The following PDE4B variants were observed in gnomAD, a reference collection of about 807,000 sequenced individuals.
The protein encoded by PDE4B is phosphodiesterase 4B.
A neutral mutation model predicts 82.2 loss-of-function variants in PDE4B; 20 were observed. The ratio of observed to expected loss-of-function variants is 0.24; its 90% CI spans 0.17 to 0.35. The LOEUF is 0.35. Among genes scored for constraint, PDE4B ranks in the 10% least tolerant of loss-of-function variants. The pLI is 1.00. For synonymous variants in PDE4B, 320 were observed against 318.9 expected (o/e 1.00, Z -0.04); for missense variants, 655 against 907.2 (o/e 0.72, Z 3.57).
At chr1:66,091,714 GT>G (rs1402221858) in intron 3 of PDE4B, among the ~76,000 whole-genome samples, 1 of 151,966 alleles carries the variant, frequency 6.6e-6, no homozygotes, top group Non-Finnish European at 1.5e-5. Flanking sequence ...AATACTGCCT[GT>G]TTTTTACTAA....
intron 1 of PDE4B, among the ~76,000 whole-genome samples, chr1:65,868,670 C>A (rs948779785): frequency 6.6e-6 from 1 of 152,204 alleles, no homozygotes; most frequent in Non-Finnish European, 1.5e-5. Flanking sequence ...AACCCCCAGG[C>A]TGCAGACCAG....
At chr1:65,912,003 T>A (rs1195613906) in intron 1 of PDE4B, among the ~76,000 whole-genome samples, 1 of 152,096 alleles carries the variant, frequency 6.6e-6, no homozygotes, top group Non-Finnish European at 1.5e-5. Flanking sequence ...AGCAGACTTT[T>A]TTTTAAATAA....
intron 6 of PDE4B, among the ~76,000 whole-genome samples, chr1:66,258,574 G>A (rs1654436900): frequency 6.6e-6 from 1 of 152,180 alleles, no homozygotes; most frequent in African/African-American, 2.4e-5. Flanking sequence ...CCTGGAATGA[G>A]AGGACTGGAG....
At chr1:65,887,186 TTTTCTTTCTTTCTTTC>T (rs766627917) in intron 1 of PDE4B, among the ~76,000 whole-genome samples, 6 of 60,118 alleles carry the variant, frequency 1.0e-4, no homozygotes, top group African/African-American at 3.1e-4. Flanking sequence ...CTCCCTCCCT[TTTTCTTTCTTTCTTTC>T]TTTCTTTCTT....
chr1:66,139,988 A>C lies in PDE4B; in HGVS notation c.282-107472A>C, dbSNP rs549788858. Among the ~76,000 whole-genome samples, 14 of 152,348 alleles carry C rather than the reference A, an allele frequency of 9.2e-5. No individual in the cohort carries two copies. The South Asian group carries it at 1.9e-3, about 20-fold the overall frequency. On this transcript the variant is annotated intron_variant, in intron 3 of 16. Coordinates refer to ENST00000341517, the MANE Select transcript of PDE4B (RefSeq NM_002600.4). ...TGAAGGCAGTGATCCCACTAGACTC[A>C]ACTTAAGACAGAATGCTAGCTACTG...
chr1:65,891,539 A>G (rs559726379), intron 1 of PDE4B, among the ~76,000 whole-genome samples: 1 of 152,186 alleles, frequency 6.6e-6, no homozygotes, highest in Admixed American at 6.6e-5. Flanking sequence ...AACTTAGACT[A>G]TCACATGTAG....
intron 8 of PDE4B, among the ~76,000 whole-genome samples, chr1:66,336,544 T>C (rs1660529455): frequency 6.6e-6 from 1 of 152,228 alleles, no homozygotes; most frequent in Non-Finnish European, 1.5e-5. Context: ...TCCTTTTCAT[T>C]CTCCATTGGT....
intron 3 of PDE4B, among the ~76,000 whole-genome samples, chr1:66,243,334 T>C (rs1403535939): frequency 6.6e-6 from 1 of 152,182 alleles, no homozygotes; most frequent in Admixed American, 6.5e-5. Flanking sequence ...TTTTAGTTGG[T>C]TCTGTCCACA....
chr1:65,998,878 A>G (rs2100701756), intron 3 of PDE4B, among the ~76,000 whole-genome samples: 1 of 152,264 alleles, frequency 6.6e-6, no homozygotes, highest in South Asian at 2.1e-4. Flanking sequence ...TAAAAAAAAA[A>G]AAAAAGCAGA....
At chr1:66,087,959 G>A (rs1241491038) in intron 3 of PDE4B, among the ~76,000 whole-genome samples, 1 of 151,606 alleles carries the variant, frequency 6.6e-6, no homozygotes, top group Admixed American at 6.6e-5. Flanking sequence ...CATGGCACAT[G>A]TATACATGTG....
At chr1:66,361,512 A>G in intron 9 of PDE4B, 103 bp from the exon 10 acceptor site, 1 of 843,290 alleles carries the variant, frequency 1.2e-6, no homozygotes, top group Non-Finnish European at 1.8e-6. Flanking sequence ...ATTTTATTTT[A>G]TAAGATTCTA....
chr1:66,331,883 A>C, intron 7 of PDE4B: 2 of 986,318 alleles, frequency 2.0e-6, no homozygotes, highest in Non-Finnish European at 2.4e-6. Flanking sequence ...GATTTAAGGG[A>C]GAGAAAGGAA....
chr1:66,327,949 A>G (rs549450780), intron 7 of PDE4B, among the ~76,000 whole-genome samples: 2 of 152,328 alleles, frequency 1.3e-5, no homozygotes, highest in African/African-American at 4.8e-5. Flanking sequence ...CTTGCTAGGA[A>G]TCTGGAGGGA....
intron 3 of PDE4B, among the ~76,000 whole-genome samples, chr1:66,116,210 GGT>G (rs1645590868): frequency 1.8e-4 from 2 of 11,006 alleles, no homozygotes; most frequent in African/African-American, 2.1e-4. Flanking sequence ...TCTATTTCTG[GGT>G]TTTTTTTTTA....
chr1:66,283,952 A>G (rs550856347), intron 7 of PDE4B, among the ~76,000 whole-genome samples: 2 of 152,272 alleles, frequency 1.3e-5, no homozygotes, highest in East Asian at 3.9e-4. Context: ...CCCTAAAAGC[A>G]CCTGGCGAGT....
chr1:66,016,629 G>T (rs933926288), intron 3 of PDE4B, among the ~76,000 whole-genome samples: 2 of 152,160 alleles, frequency 1.3e-5, no homozygotes, highest in African/African-American at 4.8e-5. Context: ...CATCTAAAAA[G>T]TGTGAAAGAT....
At chr1:65,904,236 A>AT (rs1557808675) in intron 1 of PDE4B, among the ~76,000 whole-genome samples, 1 of 152,174 alleles carries the variant, frequency 6.6e-6, no homozygotes, top group East Asian at 1.9e-4. Context: ...CAGGTGGACA[A>AT]TTTTTTGAAG....
chr1:65,875,799 G>T lies in PDE4B; in HGVS notation c.-70-37446G>T, dbSNP rs868662717. Among the ~76,000 whole-genome samples, 67 of 123,352 alleles carry T rather than the reference G, an allele frequency of 5.4e-4. 1 individual carries two copies. The highest frequency in any genetic ancestry group is 1.9e-3 in the African/African-American group (62 of 33,110). 80.9% of individuals were successfully genotyped at this position (123,352 alleles called of 152,430 possible). On this transcript the variant is annotated intron_variant, in intron 1 of 16. Coordinates refer to ENST00000341517, the MANE Select transcript of PDE4B (RefSeq NM_002600.4). The stretch of plus-strand genomic sequence containing the variant: ...GGGAACATCACACTCTGGGGACTGT[G>T]GTGGGGTGGGGGGAGGGGGGAGGGA...
chr1:65,918,573 T>C (rs746410072), intron 2 of PDE4B, 24 bp from the exon 3 acceptor site: 34 of 1,339,148 alleles, frequency 2.5e-5, no homozygotes, highest in Non-Finnish European at 3.4e-5. Context: ...CTCTTCTTTT[T>C]TTCTTTCCCT....
Sources: allele counts gnomAD v4.1 joint callset (sites outside exome capture counted in the v4.1 genomes callset), GRCh38; gene constraint gnomAD v4.1.1; transcripts MANE v1.5; gene names NCBI Gene and HGNC (gene_info 2026-07-23, HGNC 2026-07-21).